The following ATP10B variants were observed in gnomAD, a reference collection of about 807,000 sequenced individuals.
ATP10B encodes the protein ATPase phospholipid transporting 10B (putative), also known as phospholipid-transporting ATPase VB.
In ATP10B, 122 loss-of-function variants were observed where a neutral mutation model predicts 141.2. The ratio of observed to expected loss-of-function variants is 0.86; its 90% CI spans 0.75 to 1.00. ATP10B has a LOEUF of 1.00. ATP10B is among the 50% of genes least tolerant of loss of function. The pLI is 0.00. For missense variants in ATP10B, 1,876 were observed against 1,825.3 expected (o/e 1.03, Z -0.51); for synonymous variants, 685 against 692.0 (o/e 0.99, Z 0.16).
At chr5:160,792,551 A>C (rs971221769) in intron 1 of ATP10B, among the ~76,000 whole-genome samples, 4 of 151,928 alleles carry the variant, frequency 2.6e-5, no homozygotes, top group African/African-American at 9.7e-5. Context: ...TCTTTCCCCC[A>C]CTTCTTTTCT....
chr5:160,928,258 G>C, the ATP10B span, among the ~76,000 whole-genome samples: 1 of 152,290 alleles, frequency 6.6e-6, no homozygotes, highest in South Asian at 2.1e-4. Flanking sequence ...TAATGGCACA[G>C]GCCACATGGG....
chr5:160,910,774 A>G, the ATP10B span, among the ~76,000 whole-genome samples: 1 of 152,246 alleles, frequency 6.6e-6, no homozygotes, highest in African/African-American at 2.4e-5. Context: ...AAAAGTACAT[A>G]CACGACTCAG....
chr5:160,656,359 G>C (rs1191604988), intron 7 of ATP10B, among the ~76,000 whole-genome samples: 1 of 152,102 alleles, frequency 6.6e-6, no homozygotes, highest in African/African-American at 2.4e-5. Flanking sequence ...TTTGACTTGA[G>C]TGGAATGACT....
At chr5:160,928,897 G>T in the ATP10B span, among the ~76,000 whole-genome samples, 3 of 152,176 alleles carry the variant, frequency 2.0e-5, no homozygotes, top group Non-Finnish European at 4.4e-5. Flanking sequence ...TTGCAAGGGT[G>T]CTCTGCTCAT....
chr5:160,654,663 T>C (rs1288695182), intron 7 of ATP10B, among the ~76,000 whole-genome samples: 4 of 152,156 alleles, frequency 2.6e-5, no homozygotes, highest in Non-Finnish European at 5.9e-5. Context: ...GAGTCAGGAT[T>C]GCCATTCACA....
chr5:160,617,608 A>C (rs1001610227), intron 16 of ATP10B, among the ~76,000 whole-genome samples: 1 of 152,232 alleles, frequency 6.6e-6, no homozygotes, highest in Non-Finnish European at 1.5e-5. Flanking sequence ...AAATGTCATG[A>C]GTTGTGTGTT....
chr5:160,911,140 A>C, the ATP10B span, among the ~76,000 whole-genome samples: 16 of 152,194 alleles, frequency 1.1e-4, no homozygotes, highest in Non-Finnish European at 2.1e-4. Flanking sequence ...TGACTTTCAA[A>C]CTATTGTTTC....
the ATP10B span, among the ~76,000 whole-genome samples, chr5:160,899,034 A>G: frequency 6.6e-6 from 1 of 152,152 alleles, no homozygotes; most frequent in Non-Finnish European, 1.5e-5. Context: ...TAGGGGAAAT[A>G]CCTAATATAG....
chr5:160,634,256 TAA>T (rs1759176581), intron 12 of ATP10B, 96 bp downstream of exon 12: 3 of 1,571,690 alleles, frequency 1.9e-6, no homozygotes, highest in Non-Finnish European at 2.6e-6. Context: ...ACACAGCCTC[TAA>T]GAGAGCCAGG....
chr5:160,749,480 C>T (rs1768012344), intron 2 of ATP10B, among the ~76,000 whole-genome samples: 1 of 152,060 alleles, frequency 6.6e-6, no homozygotes, highest in Non-Finnish European at 1.5e-5. Flanking sequence ...CAGTTTCCAC[C>T]CCTCCTTCTC....
At chr5:160,805,227 G>A (rs1772693665) in intron 1 of ATP10B, among the ~76,000 whole-genome samples, 1 of 152,184 alleles carries the variant, frequency 6.6e-6, no homozygotes, top group Non-Finnish European at 1.5e-5. Context: ...TTCTGCACAT[G>A]AAGTATACTA....
chr5:160,642,457 C>T (rs1759940870), intron 9 of ATP10B, among the ~76,000 whole-genome samples: 1 of 152,098 alleles, frequency 6.6e-6, no homozygotes, highest in African/African-American at 2.4e-5. Context: ...GACCATTGCT[C>T]TCACCAGGAG....
intron 1 of ATP10B, among the ~76,000 whole-genome samples, chr5:160,821,803 C>G (rs1774128025): frequency 6.6e-6 from 1 of 151,828 alleles, no homozygotes; most frequent in Non-Finnish European, 1.5e-5. Context: ...AACCGGATAT[C>G]CATATGCAAA....
chr5:160,861,435 C>G, the ATP10B span, among the ~76,000 whole-genome samples: 1 of 151,732 alleles, frequency 6.6e-6, no homozygotes, highest in South Asian at 2.1e-4. Context: ...AATAAAATAA[C>G]TGAATACTGA....
intron 18 of ATP10B, among the ~76,000 whole-genome samples, chr5:160,607,355 T>C (rs1757452078): frequency 6.6e-6 from 1 of 152,202 alleles, no homozygotes; most frequent in African/African-American, 2.4e-5. Flanking sequence ...GACACAAGGA[T>C]GGCATAAGAT....
At position 160,803,592 on chromosome 5, in the gene ATP10B, T is replaced by C. The variant is rs533084745; in HGVS notation, c.-575-17789A>G. 8.8e-4 allele frequency among the ~76,000 whole-genome samples: 134 copies of C among 152,170 alleles called. 3 individuals are homozygous for C. The South Asian group carries it at 0.016, about 18-fold the overall frequency. ...TTGGGAGCCTGAGGCAGGAGAATCA[T>C]TGGAACCCCGGAGGTGGAGGTTGCA... On this transcript the variant is annotated intron_variant, in intron 1 of 25. Transcript: ENST00000327245.
the ATP10B span, among the ~76,000 whole-genome samples, chr5:160,915,539 C>A: frequency 1.3e-4 from 20 of 152,280 alleles, no homozygotes; most frequent in East Asian, 3.7e-3. Flanking sequence ...ACCGTGTTGG[C>A]CAGGCTGTTC....
chr5:160,881,365 T>C, the ATP10B span, among the ~76,000 whole-genome samples: 1 of 152,212 alleles, frequency 6.6e-6, no homozygotes, highest in South Asian at 2.1e-4. Context: ...GCACAGCTGC[T>C]TAAGAAGACA....
intron 1 of ATP10B, among the ~76,000 whole-genome samples, chr5:160,842,430 A>G (rs940734734): frequency 1.3e-5 from 2 of 152,132 alleles, no homozygotes; most frequent in Non-Finnish European, 2.9e-5. Context: ...ATAAAAAAAT[A>G]AAGAGCGAAT....
Sources: gnomAD v4.1 joint callset for allele counts (sites outside exome capture counted in the v4.1 genomes callset) on GRCh38, gnomAD v4.1.1 for gene constraint, MANE v1.5 for transcripts, NCBI Gene and HGNC (gene_info 2026-07-23, HGNC 2026-07-21) for gene names.